The following ADAMTSL3 variants were observed in gnomAD, a reference collection of about 807,000 sequenced individuals.
The protein encoded by ADAMTSL3 is ADAMTS like 3.
In ADAMTSL3, 128 loss-of-function variants were observed where a neutral mutation model predicts 201.7. The observed-to-expected ratio is 0.63, with a 90% CI of 0.55 to 0.73. The LOEUF is 0.73. ADAMTSL3 is among the 30% of genes least tolerant of loss of function. ADAMTSL3 has a pLI of 0.00. For missense variants in ADAMTSL3, 1,990 were observed against 2,119.6 expected, an observed-to-expected ratio of 0.94 and a Z score of 1.20; for synonymous variants, 738 against 748.4, an observed-to-expected ratio of 0.99 and a Z score of 0.23.
At chr15:83,760,331 A>T (rs1457024530) in intron 3 of ADAMTSL3, among the ~76,000 whole-genome samples, 8 of 151,914 alleles carry the variant, frequency 5.3e-5, no homozygotes, top group Non-Finnish European at 1.5e-5. Flanking sequence ...CTAGTTTTAA[A>T]CTTGCTTTTT....
At chr15:83,809,034 A>G (rs1025768658) in intron 5 of ADAMTSL3, among the ~76,000 whole-genome samples, 1 of 152,104 alleles carries the variant, frequency 6.6e-6, no homozygotes, top group African/African-American at 2.4e-5. Context: ...GAAAGTTACA[A>G]CTAGGAAGGA....
At chr15:83,732,155 C>T (rs1371109225) in intron 3 of ADAMTSL3, among the ~76,000 whole-genome samples, 1 of 152,022 alleles carries the variant, frequency 6.6e-6, no homozygotes, top group Non-Finnish European at 1.5e-5. Flanking sequence ...TACATATGTA[C>T]AGCTTTTACT....
intron 3 of ADAMTSL3, among the ~76,000 whole-genome samples, chr15:83,706,888 C>G (rs968688663): frequency 6.6e-6 from 1 of 151,832 alleles, no homozygotes; most frequent in Non-Finnish European, 1.5e-5. Flanking sequence ...AGGTTGGCCT[C>G]AAACTCCTGG....
chr15:83,913,247 C>T lies in ADAMTSL3; in HGVS notation c.1856C>T (p.Pro619Leu). 3 of 1,614,132 alleles carry T rather than the reference C, an allele frequency of 1.9e-6. No homozygotes were observed. Among genetic ancestry groups the T allele is most frequent in the East Asian group, 2.2e-5 (1 of 44,870 alleles). ...CEGPKLPTER[P>L]CLLEACDESP... ...GGCCCCAAGCTGCCCACCGAACGGC[C>T]CTGCCTCCTGGAAGCATGTGATGAG... Residue 619 changes from proline to leucine, a missense_variant, in exon 16 of 30, where the codon CCC (proline) becomes CTC (leucine). Transcript: ENST00000286744.
intron 16 of ADAMTSL3, among the ~76,000 whole-genome samples, chr15:83,917,816 G>T (rs961258006): frequency 3.3e-5 from 5 of 151,984 alleles, no homozygotes; most frequent in Admixed American, 6.6e-5. Flanking sequence ...AAAATGATAG[G>T]AGTCATACCT....
chr15:83,983,234 A>G lies in ADAMTSL3; in HGVS notation c.3606A>G (p.Val1202=), dbSNP rs1231297969. 1 of 1,613,834 alleles carries G rather than the reference A, an allele frequency of 6.2e-7. No individual in the cohort carries two copies. Among genetic ancestry groups the G allele is most frequent in the African/African-American group, 1.3e-5 (1 of 74,926 alleles). ...KTINSRIGNT[V]YITKRTEVIN... Reference sequence around the variant, plus strand: ...TAAATTCCAGGATTGGAAATACAGTATACATTACAAAAAGGACAGAGGTCA... The same window carrying G: ...TAAATTCCAGGATTGGAAATACAGTGTACATTACAAAAAGGACAGAGGTCA... Residue 1202 remains valine (V), a synonymous_variant, in exon 21 of 30, where the codon GTA becomes GTG. Coordinates refer to ENST00000286744, the MANE Select transcript of ADAMTSL3 (RefSeq NM_207517.3).
chr15:83,759,622 C>A (rs1161413615), intron 3 of ADAMTSL3, among the ~76,000 whole-genome samples: 4 of 152,018 alleles, frequency 2.6e-5, no homozygotes, highest in African/African-American at 9.7e-5. Flanking sequence ...AGATTCGTAT[C>A]CAAGTGATTT....
chr15:83,798,543 C>T (rs894200832), intron 4 of ADAMTSL3, among the ~76,000 whole-genome samples: 3 of 152,146 alleles, frequency 2.0e-5, no homozygotes, highest in African/African-American at 7.2e-5. Context: ...TGTGGTGGCT[C>T]ACGCCTGTAA....
intron 4 of ADAMTSL3, among the ~76,000 whole-genome samples, chr15:83,799,753 A>G (rs1307194055): frequency 6.6e-6 from 1 of 152,230 alleles, no homozygotes; most frequent in African/African-American, 2.4e-5. Context: ...TAGAAAATAC[A>G]TAATTGTGAA....
At position 83,991,135 on chromosome 15, in the gene ADAMTSL3, C is replaced by A; in HGVS notation, c.3894C>A (p.His1298Gln). ...AAAGAAATATCACCAAACCAGAGCA[C>A]AACCATCTGTCTGTTGTGGTTGGAG... ...SVERNITKPE[H>Q]NHLSVVVGGI... The change falls in exon 23 of 30, where the codon CAC becomes CAA. Residue 1298 changes from histidine (H) to glutamine (Q), a missense_variant. His to Gln is a conservative substitution (Grantham distance 24, BLOSUM62 0). Transcript: ENST00000286744. 6.2e-7 allele frequency: 1 copy of A among 1,614,242 alleles called. No individual in the cohort carries two copies. The highest frequency in any genetic ancestry group is 8.5e-7 in the Non-Finnish European group (1 of 1,180,034).
chr15:84,037,578 C>T, intron 29 of ADAMTSL3, 122 bp from the exon 30 acceptor site: 1 of 1,143,572 alleles, frequency 8.7e-7, no homozygotes. Flanking sequence ...ATGGCCCTAA[C>T]CCAAAGCTGG....
intron 4 of ADAMTSL3, among the ~76,000 whole-genome samples, chr15:83,785,931 C>T (rs142803304): frequency 0.039 from 5,911 of 152,100 alleles, 162 homozygotes; most frequent in Non-Finnish European, 0.059. Flanking sequence ...GCAACCTCTG[C>T]CTCCTAGATT....
intron 2 of ADAMTSL3, among the ~76,000 whole-genome samples, chr15:83,660,741 C>T (rs28539036): frequency 0.07 from 10,629 of 152,208 alleles, 424 homozygotes; most frequent in East Asian, 0.12. Flanking sequence ...TGCCTGTTCC[C>T]TCTGATGGTA....
intron 19 of ADAMTSL3, among the ~76,000 whole-genome samples, chr15:83,965,558 G>C (rs1427331544): frequency 2.0e-5 from 3 of 152,086 alleles, no homozygotes; most frequent in African/African-American, 7.2e-5. Context: ...CCTACAAAGA[G>C]ACTTGGACTC....
At chr15:83,966,637 C>G (rs1345443078) in intron 19 of ADAMTSL3, among the ~76,000 whole-genome samples, 3 of 152,068 alleles carry the variant, frequency 2.0e-5, no homozygotes, top group Non-Finnish European at 4.4e-5. Context: ...TGAAACTATT[C>G]CAAACAATAG....
intron 25 of ADAMTSL3, among the ~76,000 whole-genome samples, chr15:84,020,317 A>G (rs2068176754): frequency 6.6e-6 from 1 of 152,204 alleles, no homozygotes; most frequent in Non-Finnish European, 1.5e-5. Context: ...AGTTTCATTC[A>G]GTTTCCACCT....
chr15:83,656,794 T>C (rs953470086), intron 2 of ADAMTSL3, among the ~76,000 whole-genome samples: 1 of 152,206 alleles, frequency 6.6e-6, no homozygotes, highest in Non-Finnish European at 1.5e-5. Context: ...AAGGGACTTG[T>C]CACTTAAGGG....
At chr15:83,897,793 G>A in intron 13 of ADAMTSL3, 65 bp from the exon 14 acceptor site, 5 of 1,495,922 alleles carry the variant, frequency 3.3e-6, no homozygotes, top group South Asian at 1.4e-5. Context: ...CTTTGCATTC[G>A]ATAAAATAAT....
chr15:84,014,178 T>A (rs2068049258), intron 23 of ADAMTSL3, among the ~76,000 whole-genome samples: 1 of 152,212 alleles, frequency 6.6e-6, no homozygotes, highest in African/African-American at 2.4e-5. Context: ...TTTCTCACTG[T>A]GTCTCTACCT....
Sources: gnomAD v4.1 joint callset for allele counts (sites outside exome capture counted in the v4.1 genomes callset) on GRCh38, gnomAD v4.1.1 for gene constraint, MANE v1.5 for transcripts, NCBI Gene and HGNC (gene_info 2026-07-23, HGNC 2026-07-21) for gene names.